Variants in TGM4 observed in about 807,000 individuals in gnomAD.
TGM4 encodes transglutaminase 4.
In TGM4, 61 loss-of-function variants were observed where a neutral mutation model predicts 76.3. The ratio of observed to expected loss-of-function variants is 0.80; its 90% CI spans 0.65 to 0.99. The LOEUF is 0.99. Among genes scored for constraint, TGM4 ranks in the 50% least tolerant of loss-of-function variants. The pLI is 0.00. For synonymous variants in TGM4, 337 were observed against 329.8 expected (o/e 1.02, Z -0.24); for missense variants, 794 against 843.2 (o/e 0.94, Z 0.72).
chr3:44,882,717 T>C (rs1022709633), intron 1 of TGM4, among the ~76,000 whole-genome samples: 1 of 152,238 alleles, frequency 6.6e-6, no homozygotes, highest in Non-Finnish European at 1.5e-5. Context: ...ACAAGATCCT[T>C]AATCACACCT....
intron 6 of TGM4, among the ~76,000 whole-genome samples, chr3:44,899,803 A>C (rs983904264): frequency 2.0e-5 from 3 of 152,226 alleles, no homozygotes; most frequent in Non-Finnish European, 4.4e-5. Context: ...GGGAGGACCT[A>C]CTTCCAGGCT....
chr3:44,890,541 T>C, intron 3 of TGM4, 62 bp from the exon 4 acceptor site: 1 of 1,586,846 alleles, frequency 6.3e-7, no homozygotes, highest in East Asian at 2.2e-5. Flanking sequence ...CTGGGAAGCA[T>C]TTGTAAGATT....
intron 9 of TGM4, among the ~76,000 whole-genome samples, chr3:44,904,315 G>C (rs995037209): frequency 6.6e-6 from 1 of 152,136 alleles, no homozygotes; most frequent in African/African-American, 2.4e-5. Context: ...TGTCATTATC[G>C]TCATTTTACA....
rs1466093896 is a variant in TGM4, at chr3:44,907,159, A to T, written c.1286A>T (p.Asp429Val). ...KNISTKAVGQ[D>V]RRRDITYEYK... is the part of the protein sequence containing the mutation. ...ATCAGCACCAAGGCAGTGGGCCAAG[A>T]CAGGCGGAGAGATATCACCTATGAG... Residue 429 changes from aspartate (D) to valine (V), a missense_variant, in exon 10 of 14, where the codon GAC becomes GTC. Transcript: ENST00000296125. The T allele has an allele frequency of 1.8e-5, 29 of 1,614,100 alleles. No homozygotes were observed. Among genetic ancestry groups the T allele is most frequent in the Non-Finnish European group, 2.5e-5 (29 of 1,180,022 alleles).
intron 1 of TGM4, among the ~76,000 whole-genome samples, chr3:44,879,265 C>CTCTATATATA (rs1482970491): frequency 2.4e-4 from 22 of 92,274 alleles, no homozygotes; most frequent in African/African-American, 7.9e-4. Context: ...CTCTCTCTCT[C>CTCTATATATA]TATATATATA....
Position 44,907,028 on chromosome 3 carries a change from C to T in TGM4, c.1155C>T (p.Val385=). 6.2e-7 allele frequency: 1 copy of T among 1,614,150 alleles called. No individual in the cohort carries two copies. Among genetic ancestry groups the T allele is most frequent in the African/African-American group, 1.3e-5 (1 of 75,030 alleles). ...TTATTGTCTATGACACCAGATTCGT[C>T]TTCTCAGAAGTGAATGGTGACAGGC... ...DIFIVYDTRF[V]FSEVNGDRLI... The change falls in exon 10 of 14, where the codon GTC becomes GTT. Residue 385 remains valine (V), a synonymous_variant. Transcript: ENST00000296125.
At position 44,911,403 on chromosome 3, in the gene TGM4, A is replaced by G. The variant is rs1299212767; in HGVS notation, c.1910A>G (p.His637Arg). 1 of 1,614,058 alleles carries G rather than the reference A, an allele frequency of 6.2e-7. No individual in the cohort carries two copies. The highest frequency in any genetic ancestry group is 8.5e-7 in the Non-Finnish European group (1 of 1,180,016). Residue 637 changes from histidine (H) to arginine (R), a missense_variant, in exon 13 of 14, where the codon CAT (histidine) becomes CGT (arginine). His to Arg is a conservative substitution (Grantham distance 29). Coordinates refer to ENST00000296125, the MANE Select transcript of TGM4 (RefSeq NM_003241.4). ...LGISSLQTSD[H>R]GTVQPGETIQ... is the part of the protein sequence containing the mutation. ...ATCTCCTCACTACAGACCTCTGACC[A>G]TGGGTGAGTCTGCCTGAGGTATTCT...
chr3:44,891,984 C>T (rs373137823), intron 4 of TGM4, among the ~76,000 whole-genome samples: 7 of 151,104 alleles, frequency 4.6e-5, no homozygotes, highest in South Asian at 2.1e-4. Context: ...ATAGGCCAGG[C>T]GCGGTGGCTC....
At position 44,903,895 on chromosome 3, in the gene TGM4, T is replaced by C; in HGVS notation, c.983T>C (p.Val328Ala). 2 of 1,614,192 alleles carry C rather than the reference T, an allele frequency of 1.2e-6. No individual in the cohort carries two copies. Among genetic ancestry groups the C allele is most frequent in the Non-Finnish European group, 1.7e-6 (2 of 1,180,012 alleles). The change falls in exon 9 of 14, where the codon GTG becomes GCG. Residue 328 changes from valine to alanine, a missense_variant. Physicochemically the swap from Val to Ala is moderately conservative, Grantham distance 64. Transcript: ENST00000296125. ...MTHDSVWNFH[V>A]WTDAWMKRPD... ...CCAATTTGCGGCAGGAATTTCCATG[T>C]GTGGACGGATGCCTGGATGAAGCGA...
chr3:44,895,278 G>A (rs1020350436), intron 5 of TGM4, among the ~76,000 whole-genome samples: 1 of 152,136 alleles, frequency 6.6e-6, no homozygotes, highest in Non-Finnish European at 1.5e-5. Flanking sequence ...CTGAGCGACA[G>A]AGTGAGACTC....
At chr3:44,909,947 C>T in intron 10 of TGM4, 143 bp from the exon 11 acceptor site, 1 of 834,910 alleles carries the variant, frequency 1.2e-6, no homozygotes, top group South Asian at 1.7e-5. Flanking sequence ...GAATGATCCT[C>T]TGTGTGAATC....
At chr3:44,884,718 AG>A (rs1040807777) in intron 1 of TGM4, among the ~76,000 whole-genome samples, 4 of 152,146 alleles carry the variant, frequency 2.6e-5, no homozygotes, top group Admixed American at 2.6e-4. Context: ...TTGGATAAAA[AG>A]GCTTCACCCC....
chr3:44,896,916 C>T (rs1214018587), intron 6 of TGM4, 100 bp downstream of exon 6: 31 of 903,090 alleles, frequency 3.4e-5, no homozygotes, highest in Non-Finnish European at 4.7e-5. Context: ...TTGAAGTACA[C>T]CACTGTGCTA....
intron 9 of TGM4, among the ~76,000 whole-genome samples, chr3:44,906,379 C>G (rs754976541): frequency 2.0e-5 from 3 of 152,162 alleles, no homozygotes; most frequent in Admixed American, 1.3e-4. Context: ...AATAAAAAGA[C>G]AGCTCTTAAC....
intron 11 of TGM4, 31 bp from the exon 12 acceptor site, chr3:44,910,927 A>C: frequency 6.2e-7 from 1 of 1,606,238 alleles, no homozygotes; most frequent in Non-Finnish European, 8.5e-7. Flanking sequence ...ATGATGAATG[A>C]CCTCTCCCCT....
In TGM4 at chr3:44,907,103, T is replaced by G; in HGVS notation, c.1230T>G (p.Ile410Met). The change falls in exon 10 of 14, where the codon ATT (isoleucine) becomes ATG (methionine). Residue 410 changes from isoleucine (I) to methionine (M), a missense_variant. By Grantham distance (10) the Ile-to-Met change is conservative (BLOSUM62 1). Transcript: ENST00000296125. ...ATGGGCAGGAGGAGTTACACGTAAT[T>G]TCAATGGAGACCACAAGCATCGGGA... The part of the protein sequence containing the change: ...MVNGQEELHV[I>M]SMETTSIGKN... 1 of 1,613,952 alleles carries G rather than the reference T, an allele frequency of 6.2e-7. No homozygotes were observed. Among genetic ancestry groups the G allele is most frequent in the East Asian group, 2.2e-5 (1 of 44,870 alleles).
intron 5 of TGM4, 51 bp downstream of exon 5, chr3:44,893,746 C>T (rs537403999): frequency 1.4e-6 from 2 of 1,476,300 alleles, no homozygotes; most frequent in Non-Finnish European, 9.5e-7. Flanking sequence ...GCTAGACCAC[C>T]CTTTTAGCTG....
At chr3:44,887,589 T>C (rs923616742) in intron 2 of TGM4, 100 bp from the exon 3 acceptor site, 3 of 1,003,434 alleles carry the variant, frequency 3.0e-6, no homozygotes, top group African/African-American at 1.7e-5. Flanking sequence ...AAAGGAGGGG[T>C]GGGGGCTCCA....
chr3:44,889,617 T>C (rs1052956807), intron 3 of TGM4, among the ~76,000 whole-genome samples: 2 of 152,168 alleles, frequency 1.3e-5, no homozygotes, highest in Non-Finnish European at 2.9e-5. Flanking sequence ...AATGGAAGTG[T>C]ATTGTGACAA....
Sources: allele counts gnomAD v4.1 joint callset (sites outside exome capture counted in the v4.1 genomes callset), GRCh38; gene constraint gnomAD v4.1.1; transcripts MANE v1.5; gene names NCBI Gene and HGNC (gene_info 2026-07-23, HGNC 2026-07-21).